The following REPS1 variants were observed in gnomAD, a reference collection of about 807,000 sequenced individuals.
REPS1 encodes the protein ralBP1-associated Eps domain-containing protein 1.
A neutral mutation model predicts 100.9 loss-of-function variants in REPS1; 39 were observed. That is an observed-to-expected ratio of 0.39 (90% CI 0.30 to 0.50). The LOEUF (loss-of-function observed/expected upper bound fraction) is 0.50, where lower values mean the gene tolerates loss of function less well. Among genes scored for constraint, REPS1 ranks in the 20% least tolerant of loss-of-function variants. The probability of loss-of-function intolerance (pLI) is 0.86; values close to 1 mark genes in which losing one functional copy is unlikely to be tolerated. For missense variants in REPS1, 821 were observed against 968.5 expected, an observed-to-expected ratio of 0.85 and a Z score of 2.02; for synonymous variants, 324 against 340.3, an observed-to-expected ratio of 0.95 and a Z score of 0.53.
intron 8 of REPS1, among the ~76,000 whole-genome samples, chr6:138,936,439 CTT>C (rs1389667344): frequency 1.3e-5 from 2 of 152,072 alleles, no homozygotes; most frequent in Admixed American, 6.6e-5. Flanking sequence ...TTGTCAATGT[CTT>C]TGTCAGGATT....
chr6:138,946,897 C>A (rs1782649051), intron 2 of REPS1, among the ~76,000 whole-genome samples: 1 of 152,196 alleles, frequency 6.6e-6, no homozygotes, highest in Non-Finnish European at 1.5e-5. Flanking sequence ...TGTGTTCCCA[C>A]CCAAATCTCA....
chr6:138,927,302 A>G (rs1781201033), intron 9 of REPS1: 1 of 152,236 alleles, frequency 6.6e-6, no homozygotes, highest in South Asian at 2.1e-4. Flanking sequence ...AAAAAAAATC[A>G]TACCTCTTAA....
intron 1 of REPS1, among the ~76,000 whole-genome samples, chr6:138,950,771 T>C (rs1383188052): frequency 6.6e-6 from 1 of 152,218 alleles, no homozygotes. Flanking sequence ...TTTGTCAGAA[T>C]AAACTGAGAT....
intron 8 of REPS1, among the ~76,000 whole-genome samples, chr6:138,931,003 A>C (rs923190398): frequency 2.0e-5 from 3 of 152,190 alleles, no homozygotes; most frequent in Admixed American, 1.3e-4. Flanking sequence ...AAAGGTCACT[A>C]AACTCTCATT....
chr6:138,980,181 A>T (rs1423964042), intron 1 of REPS1, among the ~76,000 whole-genome samples: 1 of 152,114 alleles, frequency 6.6e-6, no homozygotes, highest in East Asian at 1.9e-4. Context: ...ATTCTCACAG[A>T]TGTCCACTGC....
intron 17 of REPS1, among the ~76,000 whole-genome samples, chr6:138,910,695 T>G (rs1779947943): frequency 1.3e-5 from 2 of 152,178 alleles, no homozygotes; most frequent in African/African-American, 4.8e-5. Flanking sequence ...CACATATTCC[T>G]TTATAGCAAT....
intron 1 of REPS1, among the ~76,000 whole-genome samples, chr6:138,968,510 T>C (rs541207398): frequency 2.8e-4 from 42 of 152,256 alleles, no homozygotes; most frequent in African/African-American, 9.6e-4. Flanking sequence ...CTGGTTTTTT[T>C]CCACTATGCC....
At position 138,944,547 on chromosome 6, in the gene REPS1, T is replaced by G; in HGVS notation, c.704A>C (p.Asp235Ala). 6.2e-7 allele frequency: 1 copy of G among 1,614,026 alleles called. No individual in the cohort carries two copies. Among genetic ancestry groups the G allele is most frequent in the Non-Finnish European group, 8.5e-7 (1 of 1,179,940 alleles). Residue 235 changes from aspartate to alanine, a missense_variant, in exon 5 of 20, where the codon GAT (aspartate) becomes GCT (alanine). Physicochemically the swap from Asp to Ala is moderately radical, Grantham distance 126 (BLOSUM62 -2). Coordinates refer to ENST00000450536, the MANE Select transcript of REPS1 (RefSeq NM_001286611.2). ...TAAAAGAGTACTGGTTGGTGGAGTA[T>G]CTGCAAAACTGACCCAGTTTTCTTG... is the stretch of plus-strand genomic sequence containing the variant. ...PPQENWVSFADTPPTSTLLTM... is the reference protein window; with the variant it reads ...PPQENWVSFAATPPTSTLLTM...
At chr6:138,927,489 A>C (rs1242772922) in intron 9 of REPS1, 2 of 152,214 alleles carry the variant, frequency 1.3e-5, no homozygotes, top group Non-Finnish European at 2.9e-5. Context: ...ACACACATAC[A>C]ATGTATACAC....
intron 12 of REPS1, among the ~76,000 whole-genome samples, chr6:138,919,746 C>T (rs1450248315): frequency 6.6e-6 from 1 of 152,278 alleles, no homozygotes; most frequent in East Asian, 1.9e-4. Flanking sequence ...CTCTCTCCAC[C>T]CTTTCCCAGC....
intron 1 of REPS1, among the ~76,000 whole-genome samples, chr6:138,956,044 G>A (rs1225524906): frequency 1.3e-5 from 2 of 152,146 alleles, no homozygotes; most frequent in Non-Finnish European, 2.9e-5. Flanking sequence ...AGAGCCAAGA[G>A]TTAACGCCTT....
rs73774929 is a variant in REPS1 at position 138,979,409 on chromosome 6, T to C, written c.153+8121A>G. Among the ~76,000 whole-genome samples, 191 of 152,232 alleles carry C rather than the reference T, an allele frequency of 1.3e-3. 1 individual carries two copies. Among genetic ancestry groups the C allele is most frequent in the African/African-American group, 4.3e-3 (177 of 41,534 alleles). On this transcript the variant is annotated intron_variant, in intron 1 of 19. Transcript: ENST00000450536. ...TCATACATCTCTAGCTTCTACCCTG[T>C]ATCTATTCCCTTTCATAGGTAAACT...
chr6:138,987,659 A>G lies in REPS1; in HGVS notation c.24T>C (p.Asp8=), dbSNP rs1582881671. The G allele has an allele frequency of 6.5e-7, 1 of 1,549,070 alleles. No homozygotes were observed. The highest frequency in any genetic ancestry group is 1.7e-4 in the Middle Eastern group (1 of 5,972). MEGLTLS[D]AEQKYYSDLF... is the part of the protein sequence containing the mutation. Reference sequence around the variant, plus strand: ...GATCTGAATAGTATTTCTGCTCCGCATCGCTCAGCGTTAAGCCTTCCATCT... The same window carrying G: ...GATCTGAATAGTATTTCTGCTCCGCGTCGCTCAGCGTTAAGCCTTCCATCT... The change falls in exon 1 of 20, where the codon GAT becomes GAC. Residue 8 remains aspartate (D), a synonymous_variant. Transcript: ENST00000450536.
chr6:138,926,280 C>T (rs1781115402), intron 10 of REPS1, 121 bp downstream of exon 10: 8 of 643,106 alleles, frequency 1.2e-5, no homozygotes, highest in Non-Finnish European at 1.6e-5. Flanking sequence ...AACCAAAAAG[C>T]CTGCCGCCAC....
Position 138,926,441 on chromosome 6 carries a change from G to A in REPS1, c.1298C>T (p.Thr433Ile). 6.2e-7 allele frequency: 1 copy of A among 1,613,310 alleles called. No individual in the cohort carries two copies. Among genetic ancestry groups the A allele is most frequent in the Non-Finnish European group, 8.5e-7 (1 of 1,179,568 alleles). Residue 433 changes from threonine (T) to isoleucine (I), a missense_variant, in exon 10 of 20, where the codon ACT (threonine) becomes ATT (isoleucine). Around this residue, in one of 3 missense-constraint regions of REPS1, gnomAD observed 757 missense variants for 866.4 expected, o/e 0.87. Coordinates refer to ENST00000450536, the MANE Select transcript of REPS1 (RefSeq NM_001286611.2). ...AATGTTAGAATCAAATTGGGTCAGA[G>A]TTTGTGAGCTTGAAGAGCGTTCACT... ...TFSERSSSSQTLTQFDSNIAP... is the reference protein window; with the variant it reads ...TFSERSSSSQILTQFDSNIAP...
intron 1 of REPS1, among the ~76,000 whole-genome samples, chr6:138,962,074 A>G (rs988415919): frequency 3.9e-5 from 6 of 152,282 alleles, no homozygotes; most frequent in Non-Finnish European, 7.4e-5. Flanking sequence ...GAGTCAAAAT[A>G]ATTTTTTAAA....
At chr6:138,984,362 C>G (rs1785136336) in intron 1 of REPS1, among the ~76,000 whole-genome samples, 1 of 152,194 alleles carries the variant, frequency 6.6e-6, no homozygotes. Flanking sequence ...GGATTACAGG[C>G]ATGAGCCACT....
At chr6:138,936,832 C>A (rs1348667825) in intron 8 of REPS1, among the ~76,000 whole-genome samples, 1 of 152,070 alleles carries the variant, frequency 6.6e-6, no homozygotes, top group Non-Finnish European at 1.5e-5. Flanking sequence ...CAGAAAACAA[C>A]CCCAAAATCC....
intron 1 of REPS1, among the ~76,000 whole-genome samples, chr6:138,954,109 T>C (rs558668766): frequency 4.0e-5 from 6 of 150,446 alleles, no homozygotes; most frequent in South Asian, 2.1e-4. Flanking sequence ...ATTAAACTCA[T>C]ATGTGGAAAA....
Sources: gnomAD v4.1 joint callset for allele counts (sites outside exome capture counted in the v4.1 genomes callset) on GRCh38, gnomAD v4.1.1 for gene constraint, gnomAD v4.1.1 regional missense constraint, MANE v1.5 for transcripts, NCBI Gene and HGNC (gene_info 2026-07-23, HGNC 2026-07-21) for gene names.